Variants in SMCO2 observed in about 807,000 individuals in gnomAD.
SMCO2 encodes single-pass membrane protein with coiled-coil domains 2.
Under a neutral mutation model 29.5 loss-of-function variants are expected in SMCO2, and 25 were observed. The observed-to-expected ratio is 0.85, with a 90% confidence interval of 0.62 to 1.18. SMCO2 has a LOEUF of 1.18. Among genes scored for constraint, SMCO2 ranks in the 50% most tolerant of loss-of-function variants. The pLI, the probability that SMCO2 is intolerant of heterozygous loss-of-function variation, is 0.00. For missense variants in SMCO2, 348 were observed against 344.5 expected (o/e 1.01, Z -0.08); for synonymous variants, 117 against 123.3 (o/e 0.95, Z 0.34).
intron 7 of SMCO2, among the ~76,000 whole-genome samples, chr12:27,496,380 A>G (rs1943003121): frequency 6.6e-6 from 1 of 150,670 alleles, no homozygotes; most frequent in East Asian, 1.9e-4. Flanking sequence ...TTCTATCTAC[A>G]TATCTATAGA....
At chr12:27,480,775 T>G (rs1949635880) in intron 4 of SMCO2, among the ~76,000 whole-genome samples, 1 of 152,208 alleles carries the variant, frequency 6.6e-6, no homozygotes, top group African/African-American at 2.4e-5. Flanking sequence ...CCACCATGAT[T>G]GTAAGCTTCC....
At chr12:27,445,509 A>G in the SMCO2 span, among the ~76,000 whole-genome samples, 1 of 152,228 alleles carries the variant, frequency 6.6e-6, no homozygotes, top group African/African-American at 2.4e-5. Flanking sequence ...TTCATATCAC[A>G]GCCTTAGTTT....
the SMCO2 span, among the ~76,000 whole-genome samples, chr12:27,442,364 G>A: frequency 1.6e-4 from 24 of 152,066 alleles, no homozygotes; most frequent in African/African-American, 5.3e-4. Context: ...AATGAAAAAT[G>A]GGACATAGAA....
chr12:27,473,271 G>T (rs1402225646), intron 3 of SMCO2, among the ~76,000 whole-genome samples: 1 of 152,042 alleles, frequency 6.6e-6, no homozygotes, highest in African/African-American at 2.4e-5. Flanking sequence ...CACCCCTAAT[G>T]CAGCCTCCAG....
chr12:27,463,245 T>C (rs1187598885), upstream of SMCO2, among the ~76,000 whole-genome samples: 2 of 152,182 alleles, frequency 1.3e-5, no homozygotes, highest in East Asian at 3.9e-4. Context: ...TTAGGTTCTC[T>C]ACCATCTTTA....
intron 4 of SMCO2, among the ~76,000 whole-genome samples, chr12:27,485,286 G>T (rs1949679567): frequency 6.6e-6 from 1 of 151,926 alleles, no homozygotes; most frequent in Non-Finnish European, 1.5e-5. Flanking sequence ...GTCTATAGAA[G>T]TTTGATCTGG....
At chr12:27,427,203 T>G in the SMCO2 span, among the ~76,000 whole-genome samples, 3 of 152,260 alleles carry the variant, frequency 2.0e-5, no homozygotes, top group Admixed American at 1.3e-4. Flanking sequence ...TTTTTCCTAT[T>G]TATCCAGCCC....
chr12:27,494,266 T>C, intron 5 of SMCO2, 34 bp from the exon 7 acceptor site: 1 of 1,347,250 alleles, frequency 7.4e-7, no homozygotes, highest in Admixed American at 3.1e-5. Flanking sequence ...AAATATAAGT[T>C]TCATTTTACC....
chr12:27,451,593 T>A, the SMCO2 span, among the ~76,000 whole-genome samples: 2 of 152,226 alleles, frequency 1.3e-5, no homozygotes, highest in African/African-American at 4.8e-5. Flanking sequence ...CCTCACAGCC[T>A]TCCTGAGCTT....
At chr12:27,474,109 C>A (rs574622884) in intron 3 of SMCO2, among the ~76,000 whole-genome samples, 2 of 152,302 alleles carry the variant, frequency 1.3e-5, no homozygotes, top group African/African-American at 2.4e-5. Flanking sequence ...AAATCTTTCA[C>A]ATTTCTCACA....
the SMCO2 span, among the ~76,000 whole-genome samples, chr12:27,431,816 T>TA: frequency 6.6e-6 from 1 of 152,202 alleles, no homozygotes; most frequent in Non-Finnish European, 1.5e-5. Flanking sequence ...TTCTTTTTTT[T>TA]AAGGTAAGAA....
chr12:27,433,227 A>C, the SMCO2 span, among the ~76,000 whole-genome samples: 1 of 152,204 alleles, frequency 6.6e-6, no homozygotes, highest in East Asian at 1.9e-4. Context: ...GCAGCTAAAA[A>C]AGATCCATTC....
intron 4 of SMCO2, among the ~76,000 whole-genome samples, chr12:27,484,715 T>C (rs1214648542): frequency 1.3e-5 from 2 of 151,698 alleles, no homozygotes; most frequent in African/African-American, 4.8e-5. Context: ...TAGCTGGGTG[T>C]GGTAGCATGT....
the SMCO2 span, among the ~76,000 whole-genome samples, chr12:27,431,762 C>A: frequency 0.09 from 13,664 of 152,062 alleles, 640 homozygotes; most frequent in South Asian, 0.13. Flanking sequence ...GGACATATAC[C>A]CAGAAGTGGG....
At chr12:27,501,638 T>C (rs1257826408) in intron 7 of SMCO2, among the ~76,000 whole-genome samples, 2 of 150,130 alleles carry the variant, frequency 1.3e-5, no homozygotes, top group African/African-American at 5.0e-5. Context: ...AAGATTGCAA[T>C]AACCTGCTAG....
At chr12:27,466,220 G>A (rs915398005), upstream of SMCO2, among the ~76,000 whole-genome samples, 1 of 152,052 alleles carries the variant, frequency 6.6e-6, no homozygotes, top group Non-Finnish European at 1.5e-5. Context: ...TCAGGAGTTC[G>A]AGACCAGCCC....
chr12:27,462,230 C>T (rs987253037), upstream of SMCO2, among the ~76,000 whole-genome samples: 1 of 152,174 alleles, frequency 6.6e-6, no homozygotes. Flanking sequence ...TTCTATAGTT[C>T]CAGCTCTGAC....
At chr12:27,460,044 A>G in the SMCO2 span, among the ~76,000 whole-genome samples, 1 of 152,218 alleles carries the variant, frequency 6.6e-6, no homozygotes, top group Non-Finnish European at 1.5e-5. Context: ...AATACCACAA[A>G]TCTAAAATTA....
the SMCO2 span, among the ~76,000 whole-genome samples, chr12:27,453,026 G>A: frequency 6.6e-6 from 1 of 152,158 alleles, no homozygotes; most frequent in Non-Finnish European, 1.5e-5. Flanking sequence ...TAGAGCCCAT[G>A]GCCTGCTCCT....
Sources: allele counts gnomAD v4.1 joint callset (sites outside exome capture counted in the v4.1 genomes callset), GRCh38; gene constraint gnomAD v4.1.1; transcripts MANE v1.5; gene names NCBI Gene and HGNC (gene_info 2026-07-23, HGNC 2026-07-21).